The following ZMAT4 variants were observed in gnomAD, a reference collection of about 807,000 sequenced individuals.
The protein encoded by ZMAT4 is zinc finger matrin-type 4.
In ZMAT4, 17 loss-of-function variants were observed where a neutral mutation model predicts 28.7. The ratio of observed to expected loss-of-function variants is 0.59; its 90% CI spans 0.41 to 0.89. The LOEUF is 0.89. ZMAT4 is among the 40% of genes least tolerant of loss of function. The pLI is 0.00. For missense variants in ZMAT4, 240 were observed against 283.8 expected (o/e 0.85, Z 1.11); for synonymous variants, 117 against 109.2 (o/e 1.07, Z -0.44).
Position 40,805,266 on chromosome 8 carries a change from A to G in ZMAT4, c.102+20309T>C, listed in dbSNP as rs1309674086. Among the ~76,000 whole-genome samples, 9 of 149,086 alleles carry G rather than the reference A, an allele frequency of 6.0e-5. No individual in the cohort carries two copies. The South Asian group carries it at 6.5e-4, about 11-fold the overall frequency. On this transcript the variant is annotated intron_variant, in intron 2 of 6. Transcript: ENST00000297737. ...ACCATCTCACACCAGTTAGAATGGC[A>G]ATCATTAAAAAGTCAGGAAACAACA...
chr8:40,710,626 A>G (rs768609290), intron 3 of ZMAT4, among the ~76,000 whole-genome samples: 10 of 152,124 alleles, frequency 6.6e-5, no homozygotes, highest in Non-Finnish European at 1.3e-4. Flanking sequence ...GGGGGGAAAA[A>G]AAAAAAGACT....
In ZMAT4 at chr8:40,874,971, T is replaced by C. The variant is rs188013156; in HGVS notation, c.-5+22712A>G. On this transcript the variant is annotated intron_variant, in intron 1 of 6. Transcript: ENST00000297737. ...GTAGCACATGGCGCACTCCAGAATGTCAGGGAAGGGCAGGTGAAAGCCCCC... is the reference window on the plus strand; with the variant it reads ...GTAGCACATGGCGCACTCCAGAATGCCAGGGAAGGGCAGGTGAAAGCCCCC... Among the ~76,000 whole-genome samples, 4 of 152,330 alleles carry C rather than the reference T, an allele frequency of 2.6e-5. No individual in the cohort carries two copies. The East Asian group carries it at 5.8e-4, about 22-fold the overall frequency.
intron 2 of ZMAT4, among the ~76,000 whole-genome samples, chr8:40,801,341 T>TAA (rs201742506): frequency 0.016 from 1,835 of 114,584 alleles, 27 homozygotes; most frequent in Middle Eastern, 0.032. Flanking sequence ...ATACTTTCTT[T>TAA]AAAAAAAAAA....
chr8:40,753,699 A>G (rs1035224635), intron 3 of ZMAT4, among the ~76,000 whole-genome samples: 2 of 152,144 alleles, frequency 1.3e-5, no homozygotes, highest in African/African-American at 4.8e-5. Context: ...GATAATACAG[A>G]CCTCAGGTTC....
chr8:40,710,357 G>A (rs572189576), intron 3 of ZMAT4, among the ~76,000 whole-genome samples: 49 of 152,138 alleles, frequency 3.2e-4, no homozygotes, highest in African/African-American at 8.7e-4. Flanking sequence ...CGTTTCCTGC[G>A]TCTTTGTGAA....
intron 6 of ZMAT4, among the ~76,000 whole-genome samples, chr8:40,549,417 C>A (rs892436626): frequency 6.6e-6 from 1 of 152,160 alleles, no homozygotes; most frequent in Non-Finnish European, 1.5e-5. Flanking sequence ...CTTGAATTAT[C>A]TTTTGGCTGC....
At chr8:40,803,622 G>A (rs1195504373) in intron 2 of ZMAT4, among the ~76,000 whole-genome samples, 1 of 152,174 alleles carries the variant, frequency 6.6e-6, no homozygotes, top group Non-Finnish European at 1.5e-5. Context: ...TCTCATCATT[G>A]CTGGTGGAGA....
chr8:40,787,897 G>C (rs1274905918), intron 2 of ZMAT4, among the ~76,000 whole-genome samples: 1 of 152,182 alleles, frequency 6.6e-6, no homozygotes, highest in African/African-American at 2.4e-5. Context: ...TTCAGACCAT[G>C]GTTGGCTGAG....
At chr8:40,830,764 C>A (rs1333551352) in intron 1 of ZMAT4, among the ~76,000 whole-genome samples, 1 of 152,134 alleles carries the variant, frequency 6.6e-6, no homozygotes, top group Non-Finnish European at 1.5e-5. Flanking sequence ...CTCAGAGAGC[C>A]CAAAACCCAT....
intron 4 of ZMAT4, among the ~76,000 whole-genome samples, chr8:40,688,930 T>A (rs1809538894): frequency 6.6e-6 from 1 of 152,216 alleles, no homozygotes. Flanking sequence ...TGTTGAGTTG[T>A]CTGAGAGGCA....
intron 6 of ZMAT4, among the ~76,000 whole-genome samples, chr8:40,561,943 A>G (rs1803757144): frequency 6.6e-6 from 1 of 152,122 alleles, no homozygotes. Context: ...TCTGTGTGTA[A>G]GAGAGAAAAA....
intron 3 of ZMAT4, among the ~76,000 whole-genome samples, chr8:40,735,019 G>A (rs1443984972): frequency 6.6e-6 from 1 of 152,204 alleles, no homozygotes; most frequent in Non-Finnish European, 1.5e-5. Context: ...TGACTAAAAT[G>A]GCTGGTGTGA....
At chr8:40,622,053 A>G (rs1806220853) in intron 5 of ZMAT4, among the ~76,000 whole-genome samples, 1 of 152,230 alleles carries the variant, frequency 6.6e-6, no homozygotes, top group African/African-American at 2.4e-5. Flanking sequence ...TAATAGTAAT[A>G]GTCAATTCCA....
At chr8:40,871,459 A>G (rs1435322165) in intron 1 of ZMAT4, among the ~76,000 whole-genome samples, 1 of 152,236 alleles carries the variant, frequency 6.6e-6, no homozygotes, top group African/African-American at 2.4e-5. Flanking sequence ...AAAGACAGCC[A>G]TGTTTCTCTA....
intron 5 of ZMAT4, among the ~76,000 whole-genome samples, chr8:40,658,818 C>T (rs986252711): frequency 2.0e-5 from 3 of 152,058 alleles, no homozygotes; most frequent in African/African-American, 7.2e-5. Flanking sequence ...ACTGGATCAG[C>T]CCTGAGGAAA....
intron 3 of ZMAT4, among the ~76,000 whole-genome samples, chr8:40,710,414 G>A (rs1229290085): frequency 1.3e-5 from 2 of 152,102 alleles, no homozygotes; most frequent in Non-Finnish European, 1.5e-5. Flanking sequence ...GCATACAGGC[G>A]AGTATCAAAC....
intron 3 of ZMAT4, among the ~76,000 whole-genome samples, chr8:40,753,225 A>G (rs901280742): frequency 1.3e-5 from 2 of 152,174 alleles, no homozygotes; most frequent in African/African-American, 4.8e-5. Context: ...TGCAAAGAAC[A>G]TGAACTCATT....
chr8:40,841,411 G>A (rs995410393), intron 1 of ZMAT4, among the ~76,000 whole-genome samples: 1 of 152,296 alleles, frequency 6.6e-6, no homozygotes, highest in African/African-American at 2.4e-5. Flanking sequence ...AAATGTGCCT[G>A]CTCCCTGTCC....
chr8:40,735,538 G>T (rs1359611616), intron 3 of ZMAT4, among the ~76,000 whole-genome samples: 1 of 152,100 alleles, frequency 6.6e-6, no homozygotes, highest in Non-Finnish European at 1.5e-5. Flanking sequence ...TAAAATAAAG[G>T]ATATGAGTTA....
Sources: gnomAD v4.1 joint callset for allele counts (sites outside exome capture counted in the v4.1 genomes callset) on GRCh38, gnomAD v4.1.1 for gene constraint, MANE v1.5 for transcripts, NCBI Gene and HGNC (gene_info 2026-07-23, HGNC 2026-07-21) for gene names.